Variants in C5orf34 observed in about 807,000 individuals in gnomAD.
C5orf34 encodes the protein uncharacterized protein C5orf34.
A neutral mutation model predicts 78.4 loss-of-function variants in C5orf34; 73 were observed. The observed-to-expected ratio is 0.93, with a 90% CI of 0.77 to 1.13. The LOEUF (loss-of-function observed/expected upper bound fraction) is 1.13. C5orf34 is among the 50% of genes most tolerant of loss of function. The pLI, the probability that C5orf34 is intolerant of heterozygous loss-of-function variation, is 0.00. For missense variants in C5orf34, 730 were observed against 732.7 expected (o/e 1.00, Z 0.04); for synonymous variants, 251 against 246.6 (o/e 1.02, Z -0.17).
rs1258010251 is a variant in C5orf34 at position 43,502,650 on chromosome 5, C to T, written c.1029-155G>A. Among the ~76,000 whole-genome samples, 4 of 152,178 alleles carry T rather than the reference C, an allele frequency of 2.6e-5. No individual in the cohort carries two copies. In the East Asian group the frequency reaches 5.8e-4, roughly 22 times the overall value. ...AGCAGATAATTTCATATTCTGAACC[C>T]AACCAGCTAAATTAACTCTTTCACG... is the stretch of plus-strand genomic sequence containing the variant. On this transcript the variant is annotated intron_variant, in intron 5 of 12. Transcript: ENST00000306862.
intron 6 of C5orf34, chr5:43,496,506 A>G: frequency 7.2e-7 from 1 of 1,392,624 alleles, no homozygotes; most frequent in South Asian, 1.5e-5. Flanking sequence ...TGGCAAACCC[A>G]TTGTGGGAAA....
rs756751446 is a variant in C5orf34 at position 43,509,181 on chromosome 5, A to C, written c.159T>G (p.Ile53Met). ...TAATGACAAAATGTGTCCTTTGACG[A>C]ATTCTTTCTGGTTGTTCTAAAGGAT... is the stretch of plus-strand genomic sequence containing the variant. ...SAHPLEQPER[I>M]RQRTHFVIST... is the part of the protein sequence containing the mutation. Residue 53 changes from isoleucine to methionine, a missense_variant, in exon 2 of 13, where the codon ATT becomes ATG. Coordinates refer to ENST00000306862, the MANE Select transcript of C5orf34 (RefSeq NM_198566.4). The C allele has an allele frequency of 1.9e-6, 3 of 1,613,812 alleles. No homozygotes were observed. Among genetic ancestry groups the C allele is most frequent in the Non-Finnish European group, 2.5e-6 (3 of 1,179,938 alleles).
intron 6 of C5orf34, among the ~76,000 whole-genome samples, chr5:43,501,254 T>C (rs1451468697): frequency 2.0e-5 from 3 of 151,944 alleles, no homozygotes; most frequent in African/African-American, 7.3e-5. Flanking sequence ...CTTGATTGTC[T>C]GATGTACTAT....
At chr5:43,499,428 C>G (rs976995308) in intron 6 of C5orf34, among the ~76,000 whole-genome samples, 2 of 152,068 alleles carry the variant, frequency 1.3e-5, no homozygotes, top group African/African-American at 4.8e-5. Context: ...GTTCTTATCT[C>G]TATGGAAGTA....
At chr5:43,489,146 T>A (rs1745174232) in intron 11 of C5orf34, among the ~76,000 whole-genome samples, 2 of 152,002 alleles carry the variant, frequency 1.3e-5, no homozygotes, top group South Asian at 4.1e-4. Flanking sequence ...TAAGAAACAA[T>A]ACAACCTTTA....
chr5:43,502,348 G>A, intron 6 of C5orf34, 24 bp downstream of exon 6: 1 of 1,609,152 alleles, frequency 6.2e-7, no homozygotes, highest in African/African-American at 1.3e-5. Context: ...AACTCTTCTT[G>A]AGTTGAGTTC....
At chr5:43,505,191 TAAAAG>T (rs1173352524) in intron 4 of C5orf34, among the ~76,000 whole-genome samples, 1 of 152,244 alleles carries the variant, frequency 6.6e-6, no homozygotes, top group East Asian at 1.9e-4. Flanking sequence ...TTAGTGGAGT[TAAAAG>T]TTTTATACTT....
intron 6 of C5orf34, among the ~76,000 whole-genome samples, chr5:43,499,362 C>A (rs1487524686): frequency 6.6e-6 from 1 of 152,184 alleles, no homozygotes; most frequent in Non-Finnish European, 1.5e-5. Flanking sequence ...GGAGTTGTTT[C>A]TGGAGCCTCA....
intron 5 of C5orf34, among the ~76,000 whole-genome samples, 172 bp downstream of exon 5, chr5:43,503,493 T>C (rs1351484744): frequency 1.3e-5 from 2 of 152,188 alleles, no homozygotes; most frequent in African/African-American, 4.8e-5. Context: ...TTGTGTGCAC[T>C]AATAACATTA....
rs750879820 is a variant in C5orf34, at chr5:43,490,705, C to T, written c.1605G>A (p.Trp535Ter). ...YERYVTTVTS[W>*]CRRLTQTSPR... The stretch of plus-strand genomic sequence containing the variant: ...GACTAGTCTGGGTCAGTCTCCTGCA[C>T]CATGATGTTACTGTTGTCACATATC... The change falls in exon 11 of 13, where the codon TGG (tryptophan) becomes TGA (stop). Residue 535 changes from tryptophan (W) to a stop codon, truncating the protein, a stop_gained. Transcript: ENST00000306862. LOFTEE classifies it high-confidence loss of function. 2 of 1,604,516 alleles carry T rather than the reference C, an allele frequency of 1.2e-6. No homozygotes were observed. Among genetic ancestry groups the T allele is most frequent in the African/African-American group, 2.7e-5 (2 of 74,550 alleles).
intron 6 of C5orf34, among the ~76,000 whole-genome samples, chr5:43,498,677 C>T (rs1354031442): frequency 2.6e-5 from 4 of 152,176 alleles, no homozygotes; most frequent in Non-Finnish European, 4.4e-5. Context: ...TTCACTTGAA[C>T]TACTATACAT....
rs1162258249 is a variant in C5orf34 at position 43,508,600 on chromosome 5, T to C, written c.262A>G (p.Ile88Val). The part of the protein sequence containing the change: ...SATCPFLSET[I>V]IPSERKKHIF... ...ACCTTTTTTCTTTCAGAAGGTATGA[T>C]GGTTTCAGATAAAAAAGGGCAAGTA... is the stretch of plus-strand genomic sequence containing the variant. Residue 88 changes from isoleucine (I) to valine (V), a missense_variant, in exon 3 of 13, where the codon ATC becomes GTC. By Grantham distance (29) the Ile-to-Val change is conservative (BLOSUM62 3). Coordinates refer to ENST00000306862, the MANE Select transcript of C5orf34 (RefSeq NM_198566.4). 6.2e-7 allele frequency: 1 copy of C among 1,608,010 alleles called. No homozygotes were observed. Among genetic ancestry groups the C allele is most frequent in the South Asian group, 1.1e-5 (1 of 90,670 alleles).
intron 6 of C5orf34, chr5:43,495,851 T>A: frequency 6.3e-7 from 1 of 1,593,128 alleles, no homozygotes; most frequent in East Asian, 2.2e-5. Context: ...AGCACTCGGC[T>A]CCAGCATGTT....
rs754196710 is a variant in C5orf34 at position 43,492,213 on chromosome 5, A to G, written c.1580+2T>C. ...ATAATTTTTAAAATTGCTTTTCAGT[A>G]CCTTTCATATGGTTCAGGGTGTTCA... is the stretch of plus-strand genomic sequence containing the variant. On this transcript the variant is annotated splice_donor_variant, in intron 10 of 12. Coordinates refer to ENST00000306862, the MANE Select transcript of C5orf34 (RefSeq NM_198566.4). LOFTEE classifies it high-confidence loss of function. 4 of 1,589,910 alleles carry G rather than the reference A, an allele frequency of 2.5e-6. No individual in the cohort carries two copies. The highest frequency in any genetic ancestry group is 3.4e-6 in the Non-Finnish European group (4 of 1,169,042).
chr5:43,500,079 A>G (rs1745695823), intron 6 of C5orf34, among the ~76,000 whole-genome samples: 1 of 152,194 alleles, frequency 6.6e-6, no homozygotes, highest in African/African-American at 2.4e-5. Context: ...CAACACTATG[A>G]AAGCACCACT....
chr5:43,492,616 T>C, intron 9 of C5orf34, 104 bp downstream of exon 9: 1 of 1,012,196 alleles, frequency 9.9e-7, no homozygotes, highest in Non-Finnish European at 1.5e-6. Context: ...TGACAGATTT[T>C]ATACTTCAAA....
At position 43,496,446 on chromosome 5, in the gene C5orf34, C is replaced by G. The variant is rs1745527502; in HGVS notation, c.1153-1845G>C. ...CGACAATGTTGATATGAGTCTTTTC[C>G]TTTCCCATTTTGGCTTTTAGGGGTA... is the stretch of plus-strand genomic sequence containing the variant. On this transcript the variant is annotated intron_variant, in intron 6 of 12. Transcript: ENST00000306862. 2.5e-6 allele frequency: 4 copies of G among 1,580,206 alleles called. 1 individual carries two copies. In the South Asian group the frequency reaches 4.6e-5, roughly 18 times the overall value.
In C5orf34 at chr5:43,493,563, G is replaced by A. The variant is rs746226191; in HGVS notation, c.1294C>T (p.Arg432Cys). The change falls in exon 8 of 13, where the codon CGT (arginine) becomes TGT (cysteine). Residue 432 changes from arginine (R) to cysteine (C), a missense_variant. Arg to Cys is a radical substitution (Grantham distance 180). Coordinates refer to ENST00000306862, the MANE Select transcript of C5orf34 (RefSeq NM_198566.4). ...CATACCATTTTCCAGCAGCATATAC[G>A]ATAGTTATGGCTTAAAGAAAGTCTC... ...KMRLSLSHNY[R>C]ICCWKMVPGI... 7.0e-6 allele frequency: 11 copies of A among 1,568,960 alleles called. No individual in the cohort carries two copies. The highest frequency in any genetic ancestry group is 4.1e-5 in the African/African-American group (3 of 73,018).
Position 43,486,932 on chromosome 5 carries a change from A to G in C5orf34, c.1900T>C (p.Ser634Pro). The G allele has an allele frequency of 6.5e-7, 1 of 1,529,182 alleles. No individual in the cohort carries two copies. Among genetic ancestry groups the G allele is most frequent in the Non-Finnish European group, 8.8e-7 (1 of 1,142,730 alleles). The allele number at this position is 1,529,182 out of a possible 1,614,324, so 94.7% of individuals were successfully genotyped here. Reference protein sequence around the residue: ...EILHDIDCLLSNSKK With the variant: ...EILHDIDCLLPNSKK Reference sequence around the variant, plus strand: ...TCCATTTTTCACTTTTTAGAGTTTGATAGAAGACAGTCAATATCGTGAAGG... The same window carrying G: ...TCCATTTTTCACTTTTTAGAGTTTGGTAGAAGACAGTCAATATCGTGAAGG... The change falls in exon 13 of 13, where the codon TCA becomes CCA. Residue 634 changes from serine (S) to proline (P), a missense_variant. Physicochemically the swap from Ser to Pro is moderately conservative, Grantham distance 74 (BLOSUM62 -1). Coordinates refer to ENST00000306862, the MANE Select transcript of C5orf34 (RefSeq NM_198566.4).
Sources: gnomAD v4.1 joint callset for allele counts (sites outside exome capture counted in the v4.1 genomes callset) on GRCh38, gnomAD v4.1.1 for gene constraint, MANE v1.5 for transcripts, NCBI Gene and HGNC (gene_info 2026-07-23, HGNC 2026-07-21) for gene names.